PEAK1: variants seen among roughly 807,000 people sequenced by gnomAD.
The protein encoded by PEAK1 is inactive tyrosine-protein kinase PEAK1.
A neutral mutation model predicts 124.7 loss-of-function variants in PEAK1; 54 were observed. That is an observed-to-expected ratio of 0.43 (90% CI 0.35 to 0.54). The LOEUF (loss-of-function observed/expected upper bound fraction) is 0.54, where lower values mean the gene tolerates loss of function less well. Among genes scored for constraint, PEAK1 ranks in the 20% least tolerant of loss-of-function variants. PEAK1 has a pLI of 0.01. For synonymous variants in PEAK1, 719 were observed against 760.0 expected, an observed-to-expected ratio of 0.95 and a Z score of 0.89; for missense variants, 2,046 against 2,134.5, an observed-to-expected ratio of 0.96 and a Z score of 0.82.
intron 1 of PEAK1, among the ~76,000 whole-genome samples, chr15:77,383,480 T>A (rs1453533060): frequency 2.6e-5 from 4 of 152,208 alleles, no homozygotes; most frequent in African/African-American, 9.6e-5. Flanking sequence ...TACATAAAAA[T>A]GTGATAACCC....
At chr15:77,247,655 T>C (rs965977828) in intron 6 of PEAK1, among the ~76,000 whole-genome samples, 1 of 151,812 alleles carries the variant, frequency 6.6e-6, no homozygotes, top group Non-Finnish European at 1.5e-5. Flanking sequence ...TTTTTATTTG[T>C]TTTTTCAGTA....
chr15:77,253,974 A>G (rs376911284), intron 5 of PEAK1, among the ~76,000 whole-genome samples: 5 of 152,046 alleles, frequency 3.3e-5, no homozygotes, highest in East Asian at 3.9e-4. Context: ...GCCTGCCACC[A>G]TAACTTGGCT....
Position 77,113,883 on chromosome 15 carries a change from C to A in PEAK1, c.*273G>T, listed in dbSNP as rs1186812139. The stretch of plus-strand genomic sequence containing the variant: ...TCAAGAATATGGATTTTCATTTTTA[C>A]CTGCATTTATGGGACTATTAGGATA... On this transcript the variant is annotated 3_prime_UTR_variant, in exon 10 of 10. Transcript: ENST00000682557. 1.4e-5 allele frequency: 6 copies of A among 425,650 alleles called. No individual in the cohort carries two copies. The highest frequency in any genetic ancestry group is 2.5e-5 in the Non-Finnish European group (6 of 239,004). The allele number at this position is 425,650 out of a possible 1,614,324, so 26.4% of individuals were successfully genotyped here. A position where few individuals can be genotyped will look rare whatever the true frequency, so the allele number is the denominator to read the frequency against.
intron 9 of PEAK1, among the ~76,000 whole-genome samples, chr15:77,125,656 C>A (rs2052313990): frequency 6.6e-6 from 1 of 152,178 alleles, no homozygotes; most frequent in African/African-American, 2.4e-5. Flanking sequence ...TAATATGTAG[C>A]TAAAGCACAG....
At chr15:77,397,559 G>C (rs1196839976) in intron 1 of PEAK1, among the ~76,000 whole-genome samples, 4 of 151,582 alleles carry the variant, frequency 2.6e-5, no homozygotes, top group African/African-American at 4.8e-5. Flanking sequence ...AAGAAAAAAA[G>C]AAAGAAGACT....
At chr15:77,346,762 A>T in intron 2 of PEAK1, 2 of 978,968 alleles carry the variant, frequency 2.0e-6, no homozygotes, top group South Asian at 9.5e-5. Flanking sequence ...AAAAATATTC[A>T]TTCATTGGTC....
At position 77,133,498 on chromosome 15, in the gene PEAK1, T is replaced by C. The variant is rs1383367085; in HGVS notation, c.3584A>G (p.Asp1195Gly). ...GATGGAAGAACCAGCACTGCTGGCA[T>C]CCCAGTTGGGGTCGATATCATAGGT... ...NPTYDIDPNW[D>G]ASSAGSSISY... The change falls in exon 9 of 10, where the codon GAT becomes GGT. Residue 1195 changes from aspartate to glycine, a missense_variant. Transcript: ENST00000682557. The surrounding 1 kb of genome is among the most constrained non-coding windows in gnomAD (Gnocchi z 4.2). 6.2e-7 allele frequency: 1 copy of C among 1,614,232 alleles called. No individual in the cohort carries two copies. Among genetic ancestry groups the C allele is most frequent in the Non-Finnish European group, 8.5e-7 (1 of 1,180,046 alleles).
chr15:77,357,279 TTC>T (rs2141513353), intron 2 of PEAK1, among the ~76,000 whole-genome samples: 1 of 152,286 alleles, frequency 6.6e-6, no homozygotes, highest in Admixed American at 6.5e-5. Context: ...TTGTTTTGTT[TTC>T]TTTTTTTAAA....
At chr15:77,129,763 T>C (rs1292942411) in intron 9 of PEAK1, among the ~76,000 whole-genome samples, 2 of 152,124 alleles carry the variant, frequency 1.3e-5, no homozygotes, top group South Asian at 2.1e-4. Flanking sequence ...GACTTTTTGT[T>C]TGCAACATTT....
chr15:77,334,700 G>A, intron 2 of PEAK1: 5 of 985,182 alleles, frequency 5.1e-6, no homozygotes, highest in Non-Finnish European at 6.0e-6. Flanking sequence ...AACAATGTGT[G>A]TGCTACATCT....
At chr15:77,193,967 C>G (rs564288949) in intron 6 of PEAK1, among the ~76,000 whole-genome samples, 1 of 152,264 alleles carries the variant, frequency 6.6e-6, no homozygotes, top group South Asian at 2.1e-4. Flanking sequence ...AATCTATATT[C>G]CAGAATTATA....
rs192440427 is a variant in PEAK1 at position 77,419,578 on chromosome 15, G to C, written c.-666+428C>G. On this transcript the variant is annotated intron_variant, in intron 1 of 9. Transcript: ENST00000682557. Reference sequence around the variant, plus strand: ...GGAGCGGGCTGACCGTGTGGACCCGGCAGGAGCCAGAGAAGCCCCTCCTGC... The same window carrying C: ...GGAGCGGGCTGACCGTGTGGACCCGCCAGGAGCCAGAGAAGCCCCTCCTGC... The C allele has an allele frequency of 1.2e-3, 1,187 of 985,084 alleles. 12 individuals carry two copies. The African/African-American group carries it at 0.016, about 14-fold the overall frequency. 61.0% of individuals were successfully genotyped at this position (985,084 alleles called of 1,614,324 possible).
intron 6 of PEAK1, among the ~76,000 whole-genome samples, chr15:77,193,019 C>G (rs1596544486): frequency 2.6e-5 from 4 of 152,144 alleles, no homozygotes. Context: ...TGTTTGGTAA[C>G]AAGAGTACCT....
intron 1 of PEAK1, chr15:77,402,308 T>A (rs2071439621): frequency 1.0e-6 from 1 of 985,072 alleles, no homozygotes; most frequent in Non-Finnish European, 1.2e-6. Flanking sequence ...TATCTAGACA[T>A]CGGGGAGAAA....
At chr15:77,105,678 G>C (rs2152701886), downstream of PEAK1, 1 of 152,454 alleles carries the variant, frequency 6.6e-6, no homozygotes, top group African/African-American at 2.4e-5. Context: ...AGGCCTTGGA[G>C]AGGAGGCAAA....
intron 2 of PEAK1, chr15:77,335,702 G>C (rs1424114803): frequency 1.1e-6 from 1 of 877,878 alleles, no homozygotes; most frequent in Non-Finnish European, 1.4e-6. Context: ...TGTTGCCCAG[G>C]CTGGTCTCAA....
intron 8 of PEAK1, among the ~76,000 whole-genome samples, chr15:77,139,862 GA>G (rs1185889636): frequency 6.6e-6 from 1 of 151,810 alleles, no homozygotes; most frequent in Non-Finnish European, 1.5e-5. Context: ...TAGAGGGAGG[GA>G]GGGGGAGAGA....
At chr15:77,284,651 C>A (rs371369545) in intron 4 of PEAK1, among the ~76,000 whole-genome samples, 2 of 152,116 alleles carry the variant, frequency 1.3e-5, no homozygotes, top group South Asian at 2.1e-4. Flanking sequence ...TTTGGTGAGG[C>A]GATTTAACTG....
intron 6 of PEAK1, among the ~76,000 whole-genome samples, chr15:77,200,058 T>C (rs1194013466): frequency 6.6e-6 from 1 of 152,192 alleles, no homozygotes; most frequent in Non-Finnish European, 1.5e-5. Flanking sequence ...AGTGGGCCTA[T>C]CTTTCCTGCC....
Sources: allele counts gnomAD v4.1 joint callset (sites outside exome capture counted in the v4.1 genomes callset), GRCh38; gene constraint gnomAD v4.1.1; non-coding constraint Gnocchi (gnomAD v3.1); transcripts MANE v1.5; gene names NCBI Gene and HGNC (gene_info 2026-07-23, HGNC 2026-07-21).